The following WDR7 variants were observed in gnomAD, a reference collection of about 807,000 sequenced individuals.
The protein encoded by WDR7 is WD repeat-containing protein 7.
In WDR7, 46 loss-of-function variants were observed where a neutral mutation model predicts 169.4. The observed-to-expected ratio is 0.27, with a 90% CI of 0.21 to 0.35. The LOEUF (loss-of-function observed/expected upper bound fraction) is 0.35, where lower values mean the gene tolerates loss of function less well. Among genes scored for constraint, WDR7 ranks in the 10% least tolerant of loss-of-function variants. The pLI, the probability that WDR7 is intolerant of heterozygous loss-of-function variation, is 1.00. For synonymous variants in WDR7, 612 were observed against 666.8 expected (o/e 0.92, Z 1.27); for missense variants, 1,534 against 1,859.3 (o/e 0.83, Z 3.22).
intron 19 of WDR7, among the ~76,000 whole-genome samples, chr18:56,803,603 A>G (rs2044716754): frequency 6.6e-6 from 1 of 152,188 alleles, no homozygotes; most frequent in Non-Finnish European, 1.5e-5. Flanking sequence ...AAATGGGTTC[A>G]TGAAATGGAG....
intron 21 of WDR7, among the ~76,000 whole-genome samples, chr18:56,892,831 G>A (rs1441753159): frequency 6.6e-6 from 1 of 152,012 alleles, no homozygotes; most frequent in African/African-American, 2.4e-5. Flanking sequence ...AACATCCGTG[G>A]TAGTAACATT....
At chr18:56,910,376 G>A (rs2046536165) in intron 21 of WDR7, among the ~76,000 whole-genome samples, 1 of 152,118 alleles carries the variant, frequency 6.6e-6, no homozygotes, top group African/African-American at 2.4e-5. Context: ...AATTTTTGGG[G>A]AAGTTGATAT....
intron 12 of WDR7, among the ~76,000 whole-genome samples, chr18:56,698,308 T>C (rs2025748414): frequency 6.6e-6 from 1 of 151,472 alleles, no homozygotes; most frequent in South Asian, 2.1e-4. Flanking sequence ...CAAATTTCTT[T>C]TAAAAAATTT....
intron 1 of WDR7, among the ~76,000 whole-genome samples, chr18:56,670,048 T>C (rs1302631167): frequency 1.3e-5 from 2 of 152,176 alleles, no homozygotes; most frequent in Admixed American, 1.3e-4. Context: ...TTAAAGAAAT[T>C]CAAACTTAGA....
At chr18:57,030,346 AC>A (rs2048433578), downstream of WDR7, 1 of 152,248 alleles carries the variant, frequency 6.6e-6, no homozygotes, top group Non-Finnish European at 1.5e-5. Context: ...TCATCGTGTA[AC>A]AGTATAATTT....
intron 17 of WDR7, among the ~76,000 whole-genome samples, chr18:56,778,504 TTATTG>T (rs1398889197): frequency 6.6e-6 from 1 of 152,156 alleles, no homozygotes; most frequent in African/African-American, 2.4e-5. Context: ...AATGAGGAAT[TTATTG>T]TATATGTATT....
At position 56,778,641 on chromosome 18, in the gene WDR7, A is replaced by C. The variant is rs538770369; in HGVS notation, c.2948-790A>C. Among the ~76,000 whole-genome samples the C allele has an allele frequency of 9.2e-5, 14 of 152,244 alleles. No homozygotes were observed. In the South Asian group the frequency reaches 2.9e-3, roughly 32 times the overall value. On this transcript the variant is annotated intron_variant, in intron 17 of 27. Coordinates refer to ENST00000254442, the MANE Select transcript of WDR7 (RefSeq NM_015285.3). ...ATGGCATTGGAGTGACTATTTGGGA[A>C]TGTCTGTTATCTAATATTTTTACAC...
chr18:56,685,895 A>G (rs2025433454), intron 5 of WDR7, 61 bp from the exon 6 acceptor site: 3 of 1,318,042 alleles, frequency 2.3e-6, no homozygotes, highest in African/African-American at 3.0e-5. Flanking sequence ...ACATCTTAAT[A>G]TTTAGAAAAA....
At chr18:56,836,766 C>A (rs116995127) in intron 20 of WDR7, among the ~76,000 whole-genome samples, 3,530 of 152,238 alleles carry the variant, frequency 0.023, 96 homozygotes, top group East Asian at 0.11. Flanking sequence ...ACTAAAACTT[C>A]TAAAAAGATA....
intron 19 of WDR7, among the ~76,000 whole-genome samples, chr18:56,792,202 C>A (rs184258446): frequency 1.3e-5 from 2 of 151,940 alleles, no homozygotes; most frequent in Admixed American, 6.6e-5. Context: ...TTTTTTCTTT[C>A]GTAAGGGGTC....
chr18:56,941,593 C>G (rs535710683), intron 25 of WDR7, among the ~76,000 whole-genome samples: 24 of 152,166 alleles, frequency 1.6e-4, no homozygotes, highest in African/African-American at 5.8e-4. Context: ...GTATAGTGCC[C>G]GAGTATAGAG....
chr18:56,939,479 TG>T, intron 25 of WDR7, 86 bp downstream of exon 25: 1 of 836,508 alleles, frequency 1.2e-6, no homozygotes, highest in Non-Finnish European at 1.7e-6. Context: ...TTAGTAGTCT[TG>T]GTCAATTAGA....
chr18:56,686,050 G>A lies in WDR7; in HGVS notation c.597+18G>A, dbSNP rs771359739. On this transcript the variant is annotated intron_variant, in intron 6 of 27. Transcript: ENST00000254442. ...ACATGCAGGTGAGAAAAAGGAAACT[G>A]GGGTGATTTCTCTGTTTTTATTCTC... The A allele has an allele frequency of 1.3e-6, 2 of 1,572,144 alleles. No individual in the cohort carries two copies. Among genetic ancestry groups the A allele is most frequent in the South Asian group, 2.4e-5 (2 of 84,642 alleles).
intron 19 of WDR7, among the ~76,000 whole-genome samples, chr18:56,809,420 TACTC>T (rs549462393): frequency 1.6e-4 from 24 of 152,142 alleles, no homozygotes; most frequent in Non-Finnish European, 2.6e-4. Context: ...ATTTTGGAAA[TACTC>T]AGAAAGTAAG....
At chr18:56,838,963 A>C (rs2045437493) in intron 20 of WDR7, among the ~76,000 whole-genome samples, 1 of 152,172 alleles carries the variant, frequency 6.6e-6, no homozygotes, top group Non-Finnish European at 1.5e-5. Context: ...GATTATTTTA[A>C]AGATTATTAA....
At chr18:56,715,796 A>G (rs1043637387) in intron 12 of WDR7, among the ~76,000 whole-genome samples, 1 of 152,220 alleles carries the variant, frequency 6.6e-6, no homozygotes, top group Non-Finnish European at 1.5e-5. Flanking sequence ...ATACCCGTAG[A>G]AAAAGATAAC....
At chr18:56,965,949 C>A (rs1430858107) in intron 26 of WDR7, among the ~76,000 whole-genome samples, 1 of 152,108 alleles carries the variant, frequency 6.6e-6, no homozygotes, top group African/African-American at 2.4e-5. Context: ...TTATTAACTT[C>A]TGTAAGCTGA....
intron 11 of WDR7, 69 bp downstream of exon 11, chr18:56,695,267 G>GT: frequency 6.5e-7 from 1 of 1,543,438 alleles, no homozygotes; most frequent in Admixed American, 2.0e-5. Flanking sequence ...AAATGTCTCT[G>GT]TTTTTTGTTT....
Position 56,696,340 on chromosome 18 carries a change from A to G in WDR7, c.1456A>G (p.Ile486Val), listed in dbSNP as rs778490116. ...VSARYDQRYL[I>V]SGGVDFSVII... ...AGCTCGGTATGATCAAAGATACCTGATATCTGGAGGTGTGGATTTTTCAGT... is the reference window on the plus strand; with the variant it reads ...AGCTCGGTATGATCAAAGATACCTGGTATCTGGAGGTGTGGATTTTTCAGT... The change falls in exon 12 of 28, where the codon ATA becomes GTA. Residue 486 changes from isoleucine to valine, a missense_variant. Transcript: ENST00000254442. 1 of 1,614,124 alleles carries G rather than the reference A, an allele frequency of 6.2e-7. No individual in the cohort carries two copies. The highest frequency in any genetic ancestry group is 8.5e-7 in the Non-Finnish European group (1 of 1,179,988).
Sources: allele counts gnomAD v4.1 joint callset (sites outside exome capture counted in the v4.1 genomes callset), GRCh38; gene constraint gnomAD v4.1.1; transcripts MANE v1.5; gene names NCBI Gene and HGNC (gene_info 2026-07-23, HGNC 2026-07-21).